Variants in DOCK10 observed in about 807,000 individuals in gnomAD.
DOCK10 encodes the protein dedicator of cytokinesis 10.
In DOCK10, 145 loss-of-function variants were observed where a neutral mutation model predicts 280.1. The observed-to-expected ratio is 0.52, with a 90% CI of 0.45 to 0.59. The LOEUF is 0.59. DOCK10 is among the 20% of genes least tolerant of loss of function. The probability of loss-of-function intolerance (pLI) is 0.00; values close to 1 mark genes in which losing one functional copy is unlikely to be tolerated. For missense variants in DOCK10, 2,368 were observed against 2,651.7 expected (o/e 0.89, Z 2.35); for synonymous variants, 915 against 942.2 (o/e 0.97, Z 0.53).
chr2:224,950,646 C>T (rs192632879), intron 1 of DOCK10, among the ~76,000 whole-genome samples: 216 of 152,252 alleles, frequency 1.4e-3, no homozygotes, highest in African/African-American at 5.1e-3. Context: ...ATGTGCAATG[C>T]TGATTTAGAC....
intron 18 of DOCK10, among the ~76,000 whole-genome samples, chr2:224,850,507 A>C (rs1171752100): frequency 6.6e-6 from 1 of 152,200 alleles, no homozygotes; most frequent in Non-Finnish European, 1.5e-5. Context: ...GACCTCCCCT[A>C]GCCTATGGGT....
chr2:224,824,858 A>G (rs2125348522), intron 27 of DOCK10, among the ~76,000 whole-genome samples: 1 of 152,264 alleles, frequency 6.6e-6, no homozygotes, highest in Non-Finnish European at 1.5e-5. Context: ...CTAAATTGTG[A>G]GCACCCAGAC....
chr2:224,839,353 G>A (rs1301564626), intron 24 of DOCK10, among the ~76,000 whole-genome samples: 4 of 150,818 alleles, frequency 2.7e-5, no homozygotes, highest in South Asian at 2.1e-4. Flanking sequence ...GTGATCCACC[G>A]GCCTCGGCCT....
intron 3 of DOCK10, among the ~76,000 whole-genome samples, chr2:224,902,753 G>C (rs1277583116): frequency 2.6e-5 from 4 of 151,230 alleles, no homozygotes; most frequent in Admixed American, 6.6e-5. Context: ...TTCTTTTAAA[G>C]TGTAATAATT....
intron 27 of DOCK10, among the ~76,000 whole-genome samples, chr2:224,829,494 A>G (rs920600727): frequency 6.6e-6 from 1 of 152,168 alleles, no homozygotes; most frequent in Non-Finnish European, 1.5e-5. Context: ...CAGCATTGTT[A>G]TGATTTACCC....
intron 9 of DOCK10, 65 bp downstream of exon 9, chr2:224,874,601 C>T: frequency 1.4e-6 from 2 of 1,457,346 alleles, no homozygotes; most frequent in Non-Finnish European, 1.9e-6. Flanking sequence ...TACGTCTTTT[C>T]CATGAAAGCA....
intron 1 of DOCK10, among the ~76,000 whole-genome samples, chr2:224,982,709 CAAAT>C (rs1279241853): frequency 1.3e-5 from 2 of 152,140 alleles, no homozygotes; most frequent in Admixed American, 1.3e-4. Context: ...TTCAGACACA[CAAAT>C]AAATTACTTT....
intron 1 of DOCK10, among the ~76,000 whole-genome samples, chr2:225,036,983 G>A (rs1043142518): frequency 5.3e-5 from 8 of 150,970 alleles, no homozygotes; most frequent in Admixed American, 5.3e-4. Context: ...ATCTTTGTAA[G>A]ATACTTAGGA....
At chr2:224,998,177 A>C (rs745429304) in intron 1 of DOCK10, among the ~76,000 whole-genome samples, 17 of 152,330 alleles carry the variant, frequency 1.1e-4, no homozygotes, top group East Asian at 1.9e-4. Flanking sequence ...GAGTGAGATA[A>C]ATATGAATTG....
chr2:224,833,521 A>C (rs1695391177), intron 26 of DOCK10, among the ~76,000 whole-genome samples: 1 of 150,164 alleles, frequency 6.7e-6, no homozygotes. Context: ...TACCTCCTCC[A>C]TCAGATATCC....
At position 224,886,369 on chromosome 2, in the gene DOCK10, AC is replaced by A. The variant is rs543471520; in HGVS notation, c.489+89del. Reference sequence around the variant, plus strand: ...CCACCAACAGCTACTACAGCTTACAACAAACCGGTCAGAACTCGAAACTTTC... The same window carrying A: ...CCACCAACAGCTACTACAGCTTACAAAAACCGGTCAGAACTCGAAACTTTC... On this transcript the variant is annotated intron_variant, in intron 5 of 55. Coordinates refer to ENST00000258390, the MANE Select transcript of DOCK10 (RefSeq NM_014689.3). 1.1e-4 allele frequency: 166 copies of A among 1,484,926 alleles called. 1 individual carries two copies. In the South Asian group the frequency reaches 1.8e-3, roughly 16 times the overall value. 92.0% of individuals were successfully genotyped at this position (1,484,926 alleles called of 1,614,324 possible). A position where few individuals can be genotyped will look rare whatever the true frequency, so the allele number is the denominator to read the frequency against.
intron 7 of DOCK10, among the ~76,000 whole-genome samples, chr2:224,883,772 T>A (rs1699109244): frequency 1.3e-5 from 2 of 152,180 alleles, no homozygotes; most frequent in South Asian, 4.1e-4. Context: ...GGAGAAGCAG[T>A]TCCTCCATAG....
intron 4 of DOCK10, among the ~76,000 whole-genome samples, chr2:224,894,771 A>G (rs996478573): frequency 6.6e-6 from 1 of 152,118 alleles, no homozygotes; most frequent in Non-Finnish European, 1.5e-5. Flanking sequence ...TTTTCTCTTC[A>G]CGGTAATGAA....
At chr2:225,038,416 T>A (rs1244584023) in intron 1 of DOCK10, among the ~76,000 whole-genome samples, 1 of 152,194 alleles carries the variant, frequency 6.6e-6, no homozygotes, top group African/African-American at 2.4e-5. Context: ...AGCTCTTTGG[T>A]TGGTCAAAGG....
Position 224,773,252 on chromosome 2 carries a change from A to T in DOCK10, c.6109T>A (p.Ser2037Thr). 1 of 1,613,960 alleles carries T rather than the reference A, an allele frequency of 6.2e-7. No homozygotes were observed. Among genetic ancestry groups the T allele is most frequent in the African/African-American group, 1.3e-5 (1 of 75,034 alleles). The change falls in exon 53 of 56, where the codon TCC becomes ACC. Residue 2037 changes from serine (S) to threonine (T), a missense_variant. Coordinates refer to ENST00000258390, the MANE Select transcript of DOCK10 (RefSeq NM_014689.3). ...TGATTAAGCTCAGAAACCTTCTTGG[A>T]CATCTCGTCAATTGCCACTTCAATT... is the stretch of plus-strand genomic sequence containing the variant. ...NPIEVAIDEMSKKVSELNQLC... is the reference protein window; with the variant it reads ...NPIEVAIDEMTKKVSELNQLC...
At chr2:225,035,980 C>T (rs1690249958) in intron 1 of DOCK10, among the ~76,000 whole-genome samples, 1 of 152,000 alleles carries the variant, frequency 6.6e-6, no homozygotes, top group African/African-American at 2.4e-5. Context: ...CTCCTAACCG[C>T]ATCATATAGG....
intron 27 of DOCK10, among the ~76,000 whole-genome samples, chr2:224,827,369 A>G (rs1694939649): frequency 6.6e-6 from 1 of 152,114 alleles, no homozygotes. Context: ...AAAGAAAACT[A>G]GGGTGTGAGG....
intron 7 of DOCK10, among the ~76,000 whole-genome samples, chr2:224,880,704 A>G (rs1698928356): frequency 6.6e-6 from 1 of 152,178 alleles, no homozygotes; most frequent in Admixed American, 6.5e-5. Context: ...TGCTTCCACA[A>G]TGTTCATCTG....
chr2:224,819,892 C>G (rs1337449295), intron 28 of DOCK10, among the ~76,000 whole-genome samples: 1 of 152,220 alleles, frequency 6.6e-6, no homozygotes, highest in Non-Finnish European at 1.5e-5. Context: ...TAAAATGTCA[C>G]TGGAGCTTTG....
Sources: allele counts gnomAD v4.1 joint callset (sites outside exome capture counted in the v4.1 genomes callset), GRCh38; gene constraint gnomAD v4.1.1; transcripts MANE v1.5; gene names NCBI Gene and HGNC (gene_info 2026-07-23, HGNC 2026-07-21).